TNKS: variants seen among roughly 807,000 people sequenced by gnomAD.
The protein encoded by TNKS is poly [ADP-ribose] polymerase tankyrase-1.
Under a neutral mutation model 135.8 loss-of-function variants are expected in TNKS, and 72 were observed. That is an observed-to-expected ratio of 0.53 (90% confidence interval 0.44 to 0.64). The LOEUF (loss-of-function observed/expected upper bound fraction) is 0.64, where lower values mean the gene tolerates loss of function less well. Ranked by LOEUF, TNKS falls within the 30% of genes least tolerant of loss-of-function variation. TNKS has a pLI of 0.00. For missense variants in TNKS, 1,769 were observed against 1,674.0 expected, an observed-to-expected ratio of 1.06 and a Z score of -0.99; for synonymous variants, 849 against 649.3, an observed-to-expected ratio of 1.31 and a Z score of -4.68.
intron 14 of TNKS, 23 bp from the exon 15 acceptor site, chr8:9,733,256 T>C (rs778179611): frequency 8.5e-6 from 13 of 1,538,366 alleles, no homozygotes; most frequent in Non-Finnish European, 1.1e-5. Flanking sequence ...TTTATGACTT[T>C]AAAATAACTT....
chr8:9,694,554 G>A (rs1047979935), intron 5 of TNKS, among the ~76,000 whole-genome samples: 3 of 152,078 alleles, frequency 2.0e-5, no homozygotes, highest in Admixed American at 2.0e-4. Context: ...TTGAGGTCAG[G>A]AGTTCACGAC....
intron 26 of TNKS, among the ~76,000 whole-genome samples, chr8:9,772,890 A>G (rs1432956952): frequency 7.0e-6 from 1 of 143,438 alleles, no homozygotes; most frequent in Non-Finnish European, 1.5e-5. Context: ...GGGTGTATCT[A>G]GTATACAGGG....
rs1435294596 is a variant in TNKS, at chr8:9,700,589, C to T, written c.1108-4074C>T. Among the ~76,000 whole-genome samples the T allele has an allele frequency of 2.2e-5, 3 of 137,174 alleles. 1 individual carries two copies. The highest frequency in any genetic ancestry group is 1.6e-4 in the Admixed American group (2 of 12,440). The allele number at this position is 137,174 out of a possible 152,430, so 90.0% of individuals were successfully genotyped here. A position where few individuals can be genotyped will look rare whatever the true frequency, so the allele number is the denominator to read the frequency against. ...ACCTCACATTATTTCCCTCTGGGCT[C>T]TCCTTTCCCTTACACTCCCTTCTTT... On this transcript the variant is annotated intron_variant, in intron 5 of 26. Coordinates refer to ENST00000310430, the MANE Select transcript of TNKS (RefSeq NM_003747.3).
chr8:9,579,538 G>A (rs964003415), intron 1 of TNKS, among the ~76,000 whole-genome samples: 8 of 151,988 alleles, frequency 5.3e-5, no homozygotes, highest in African/African-American at 1.9e-4. Context: ...GCGTGGTCTC[G>A]GCTCACTGCC....
chr8:9,556,196 G>A lies in TNKS; in HGVS notation c.257G>A (p.Gly86Asp). The A allele has an allele frequency of 6.2e-7, 1 of 1,614,012 alleles. No homozygotes were observed. ...DRPRSPDPVD[G>D]TSCCSTTSTI... ...CCCCGATCCCCGGACCCGGTTGACG[G>A]TACCAGCTGTTGCAGTACCACCAGC... Residue 86 changes from glycine (G) to aspartate (D), a missense_variant, in exon 1 of 27, where the codon GGT becomes GAT. By Grantham distance (94) the Gly-to-Asp change is moderately conservative. This residue lies in a region of TNKS where 450 missense variants were observed against 304.9 expected (regional missense o/e 1.48). Coordinates refer to ENST00000310430, the MANE Select transcript of TNKS (RefSeq NM_003747.3).
In TNKS at chr8:9,710,123, T is replaced by A; in HGVS notation, c.1671-19T>A. On this transcript the variant is annotated intron_variant, in intron 10 of 26. Coordinates refer to ENST00000310430, the MANE Select transcript of TNKS (RefSeq NM_003747.3). ...AAAAGAGAGACAATTACCTTTTCTT[T>A]CTTTCCTCTTTTCTGTAGTTTCATG... 1 of 1,613,548 alleles carries A rather than the reference T, an allele frequency of 6.2e-7. No homozygotes were observed. The highest frequency in any genetic ancestry group is 8.5e-7 in the Non-Finnish European group (1 of 1,179,556).
chr8:9,759,189 G>A (rs1807010664), intron 20 of TNKS, among the ~76,000 whole-genome samples: 1 of 152,226 alleles, frequency 6.6e-6, no homozygotes, highest in Non-Finnish European at 1.5e-5. Flanking sequence ...CACACAGGAT[G>A]TGATGTAAGG....
At chr8:9,560,852 C>T (rs1452150695) in intron 1 of TNKS, among the ~76,000 whole-genome samples, 1 of 151,550 alleles carries the variant, frequency 6.6e-6, no homozygotes, top group Non-Finnish European at 1.5e-5. Context: ...TCTGAAGGTA[C>T]CTCTTTAAAA....
At chr8:9,670,935 G>A (rs1005817316) in intron 3 of TNKS, 6 of 152,140 alleles carry the variant, frequency 3.9e-5, no homozygotes, top group Non-Finnish European at 7.4e-5. Flanking sequence ...ACCTAAGATA[G>A]AAAATGCTGG....
intron 2 of TNKS, among the ~76,000 whole-genome samples, chr8:9,588,523 ACCTC>A (rs1251859900): frequency 3.3e-5 from 5 of 152,096 alleles, no homozygotes; most frequent in Non-Finnish European, 5.9e-5. Context: ...TGATCCGCCC[ACCTC>A]GGCGTTCCAA....
chr8:9,691,764 T>C (rs1258185510), intron 5 of TNKS, among the ~76,000 whole-genome samples: 2 of 152,204 alleles, frequency 1.3e-5, no homozygotes, highest in Non-Finnish European at 2.9e-5. Context: ...TTTAATAAAA[T>C]ATTGGTATTT....
In TNKS at chr8:9,776,672, C is replaced by T; in HGVS notation, c.3920C>T (p.Thr1307Ile). The T allele has an allele frequency of 6.2e-7, 1 of 1,614,030 alleles. No homozygotes were observed. Among genetic ancestry groups the T allele is most frequent in the East Asian group, 2.2e-5 (1 of 44,874 alleles). The change falls in exon 27 of 27, where the codon ACT becomes ATT. Residue 1307 changes from threonine to isoleucine, a missense_variant. Thr to Ile is a moderately conservative substitution (Grantham distance 89). Coordinates refer to ENST00000310430, the MANE Select transcript of TNKS (RefSeq NM_003747.3). ...CAGGCATACCCAGAGTATCTTATCA[C>T]TTACCAGATCATGAAGCCAGAAGCC... ...GEQAYPEYLITYQIMKPEAPS... is the reference protein window; with the variant it reads ...GEQAYPEYLIIYQIMKPEAPS...
intron 2 of TNKS, among the ~76,000 whole-genome samples, chr8:9,602,475 C>G (rs138043394): frequency 2.0e-5 from 3 of 152,326 alleles, no homozygotes; most frequent in African/African-American, 7.2e-5. Context: ...CCCATCCTCT[C>G]TTGTTCCCAG....
intron 17 of TNKS, among the ~76,000 whole-genome samples, chr8:9,745,291 T>C (rs1806178387): frequency 6.6e-6 from 1 of 152,248 alleles, no homozygotes; most frequent in South Asian, 2.1e-4. Flanking sequence ...AATTAAGCTA[T>C]AGAATTAATT....
chr8:9,615,578 A>G lies in TNKS; in HGVS notation c.899-4A>G, dbSNP rs762919864. 6.2e-7 allele frequency: 1 copy of G among 1,611,730 alleles called. No individual in the cohort carries two copies. The highest frequency in any genetic ancestry group is 1.7e-5 in the Admixed American group (1 of 59,826). On this transcript the variant is annotated splice_polypyrimidine_tract_variant and splice_region_variant and intron_variant, in intron 2 of 26. Coordinates refer to ENST00000310430, the MANE Select transcript of TNKS (RefSeq NM_003747.3). ...AAGATACTGTTTCTGCTTTCCCTGC[A>G]CAGTGCTGCTGCAGCACGGAGCTGA...
At chr8:9,576,196 C>A (rs545884629) in intron 1 of TNKS, among the ~76,000 whole-genome samples, 427 of 152,260 alleles carry the variant, frequency 2.8e-3, no homozygotes, top group Non-Finnish European at 4.3e-3. Context: ...ATTTCCTGCC[C>A]AATTCCCGAG....
chr8:9,767,290 C>G (rs919882505), intron 25 of TNKS, among the ~76,000 whole-genome samples: 1 of 152,140 alleles, frequency 6.6e-6, no homozygotes, highest in Non-Finnish European at 1.5e-5. Context: ...ATGGTATAAT[C>G]TCTGTGATGT....
chr8:9,561,203 A>G (rs976612881), intron 1 of TNKS, among the ~76,000 whole-genome samples: 3 of 152,228 alleles, frequency 2.0e-5, no homozygotes, highest in African/African-American at 7.2e-5. Context: ...GCATATCATT[A>G]TCTAAGTTCA....
intron 1 of TNKS, among the ~76,000 whole-genome samples, chr8:9,570,253 A>G (rs1797706173): frequency 6.6e-6 from 1 of 152,182 alleles, no homozygotes; most frequent in Non-Finnish European, 1.5e-5. Context: ...CAGCCTGGGC[A>G]ATAAAGCGAG....
Sources: gnomAD v4.1 joint callset for allele counts (sites outside exome capture counted in the v4.1 genomes callset) on GRCh38, gnomAD v4.1.1 for gene constraint, gnomAD v4.1.1 regional missense constraint, MANE v1.5 for transcripts, NCBI Gene and HGNC (gene_info 2026-07-23, HGNC 2026-07-21) for gene names.